The following MDN1 variants were observed in gnomAD, a reference collection of about 807,000 sequenced individuals.
MDN1 encodes the protein midasin.
Under a neutral mutation model 669.2 loss-of-function variants are expected in MDN1, and 266 were observed. The observed-to-expected ratio is 0.40, with a 90% CI of 0.36 to 0.44. The LOEUF (loss-of-function observed/expected upper bound fraction) is 0.44. Among genes scored for constraint, MDN1 ranks in the 20% least tolerant of loss-of-function variants. The pLI, the probability that MDN1 is intolerant of heterozygous loss-of-function variation, is 1.00. For missense variants in MDN1, 5,940 were observed against 6,754.0 expected, an observed-to-expected ratio of 0.88 and a Z score of 4.22; for synonymous variants, 2,385 against 2,457.1, an observed-to-expected ratio of 0.97 and a Z score of 0.87.
At chr6:89,658,079 T>C in intron 90 of MDN1, 130 bp downstream of exon 90, 2 of 1,075,400 alleles carry the variant, frequency 1.9e-6, no homozygotes, top group Non-Finnish European at 2.7e-6. Flanking sequence ...GTCTGTTAGA[T>C]GTCAACAACA....
At chr6:89,693,718 T>C (rs951195024) in intron 62 of MDN1, among the ~76,000 whole-genome samples, 10 of 152,310 alleles carry the variant, frequency 6.6e-5, no homozygotes, top group Admixed American at 4.6e-4. Context: ...AAAACACTTC[T>C]GGTCCCAGGA....
intron 37 of MDN1, among the ~76,000 whole-genome samples, chr6:89,725,968 C>CACACAT (rs1815208106): frequency 7.2e-6 from 1 of 138,482 alleles, no homozygotes; most frequent in South Asian, 2.3e-4. Context: ...CACACACACA[C>CACACAT]GTATATATAC....
intron 10 of MDN1, among the ~76,000 whole-genome samples, chr6:89,780,740 C>T (rs1818627733): frequency 6.7e-6 from 1 of 148,492 alleles, no homozygotes; most frequent in Non-Finnish European, 1.5e-5. Flanking sequence ...CACCCGGGTT[C>T]AGGCAATTCT....
At chr6:89,709,624 A>G (rs1813748333) in intron 50 of MDN1, among the ~76,000 whole-genome samples, 1 of 152,230 alleles carries the variant, frequency 6.6e-6, no homozygotes, top group Admixed American at 6.5e-5. Context: ...ATTATTTAGC[A>G]CAAAAGCATC....
At chr6:89,674,726 A>C in intron 78 of MDN1, 137 bp from the exon 79 acceptor site, 1 of 1,243,528 alleles carries the variant, frequency 8.0e-7, no homozygotes, top group Non-Finnish European at 1.1e-6. Flanking sequence ...TCCCCCAGAT[A>C]GGTAAAAAGT....
chr6:89,754,655 A>G (rs1204093332), intron 20 of MDN1, among the ~76,000 whole-genome samples: 4 of 152,238 alleles, frequency 2.6e-5, no homozygotes, highest in Non-Finnish European at 5.9e-5. Flanking sequence ...TAGTACTGAC[A>G]AAACGTTAAA....
chr6:89,788,728 T>A (rs191783544), intron 7 of MDN1, among the ~76,000 whole-genome samples: 223 of 152,240 alleles, frequency 1.5e-3, no homozygotes, highest in Non-Finnish European at 2.4e-3. Context: ...GGAGCTAGAC[T>A]AGAGGAAAAA....
At chr6:89,678,780 T>C in intron 74 of MDN1, 35 bp from the exon 75 acceptor site, 1 of 1,590,474 alleles carries the variant, frequency 6.3e-7, no homozygotes, top group Non-Finnish European at 8.6e-7. Flanking sequence ...GGGGAGACAA[T>C]AAGAAAATCC....
chr6:89,777,131 T>G (rs1463106056), intron 11 of MDN1, among the ~76,000 whole-genome samples: 1 of 152,310 alleles, frequency 6.6e-6, no homozygotes, highest in East Asian at 1.9e-4. Context: ...GTACTCAATC[T>G]TAGCAACTAC....
At chr6:89,767,979 C>T (rs375023387) in intron 15 of MDN1, among the ~76,000 whole-genome samples, 13 of 151,292 alleles carry the variant, frequency 8.6e-5, no homozygotes, top group African/African-American at 3.2e-4. Flanking sequence ...GAGGTCAAGG[C>T]TGCAATAAGC....
At position 89,677,714 on chromosome 6, in the gene MDN1, T is replaced by C. The variant is rs769024172; in HGVS notation, c.12413-18A>G. 1 of 1,613,776 alleles carries C rather than the reference T, an allele frequency of 6.2e-7. No homozygotes were observed. The highest frequency in any genetic ancestry group is 8.5e-7 in the Non-Finnish European group (1 of 1,179,816). The stretch of plus-strand genomic sequence containing the variant: ...CGACAAACCTAGGAAATAAACAGCA[T>C]TTCTTTAAGCAAAGATGCTTAGTAG... On this transcript the variant is annotated intron_variant, in intron 75 of 101. Transcript: ENST00000369393.
intron 79 of MDN1, among the ~76,000 whole-genome samples, 172 bp downstream of exon 79, chr6:89,673,932 C>T (rs1198434023): frequency 6.6e-6 from 1 of 152,022 alleles, no homozygotes; most frequent in Non-Finnish European, 1.5e-5. Flanking sequence ...CTGCAGATGA[C>T]ACCCCCTATC....
intron 33 of MDN1, among the ~76,000 whole-genome samples, chr6:89,734,215 G>A (rs1374540034): frequency 6.6e-6 from 1 of 152,064 alleles, no homozygotes; most frequent in Non-Finnish European, 1.5e-5. Flanking sequence ...GACCTGGGAG[G>A]CAGAGGTTGC....
chr6:89,680,772 T>TA (rs1364321815), intron 73 of MDN1, 21 bp from the exon 74 acceptor site: 28 of 1,608,472 alleles, frequency 1.7e-5, no homozygotes, highest in Non-Finnish European at 2.3e-5. Flanking sequence ...AAAGACAGGT[T>TA]AGCCTCACTG....
At chr6:89,698,795 T>C in intron 59 of MDN1, 70 bp downstream of exon 59, 3 of 1,499,450 alleles carry the variant, frequency 2.0e-6, no homozygotes, top group Non-Finnish European at 2.8e-6. Flanking sequence ...GAATAAATGT[T>C]TATTGATAGA....
At position 89,723,596 on chromosome 6, in the gene MDN1, T is replaced by C. The variant is rs769085989; in HGVS notation, c.5694A>G (p.Val1898=). The change falls in exon 39 of 102, where the codon GTA becomes GTG. Residue 1898 remains valine (V), a synonymous_variant. Transcript: ENST00000369393. ...TACTGGCAATGAACTCCATGTCAAT[T>C]ACTGTAAGGGGATCAACGAAGACCT... is the stretch of plus-strand genomic sequence containing the variant. ...FTQVFVDPLT[V]IDMEFIASTL... The C allele has an allele frequency of 7.5e-6, 12 of 1,591,796 alleles. No individual in the cohort carries two copies. The highest frequency in any genetic ancestry group is 1.1e-5 in the South Asian group (1 of 87,310).
Position 89,758,344 on chromosome 6 carries a change from C to A in MDN1, c.2613G>T (p.Leu871=). 14 of 1,607,122 alleles carry A rather than the reference C, an allele frequency of 8.7e-6. No homozygotes were observed. The highest frequency in any genetic ancestry group is 1.2e-5 in the Non-Finnish European group (14 of 1,176,064). The part of the protein sequence containing the change: ...VLLDRGDTEP[L]VRHPDFRLFA... ...ATAAACGGAAGTCAGGATGCCGAACCAGTGGCTCTGTTAAGAGAAAATTAC... is the reference window on the plus strand; with the variant it reads ...ATAAACGGAAGTCAGGATGCCGAACAAGTGGCTCTGTTAAGAGAAAATTAC... The change falls in exon 19 of 102, where the codon CTG becomes CTT. Residue 871 remains leucine, a synonymous_variant. Transcript: ENST00000369393.
Position 89,654,181 on chromosome 6 carries a change from C to G in MDN1, c.15644G>C (p.Gly5215Ala), listed in dbSNP as rs774769606. The G allele has an allele frequency of 4.3e-6, 7 of 1,614,052 alleles. No homozygotes were observed. In the South Asian group the frequency reaches 6.6e-5, roughly 15 times the overall value. The stretch of plus-strand genomic sequence containing the variant: ...GGACTCACCCAAGGGTGCTGTGGTG[C>G]CCGACTTGATTTCCTCTGGCTTCAG... ...EQLKPEEIKS[G>A]TTAPLGFDEM... Residue 5215 changes from glycine (G) to alanine (A), a missense_variant, in exon 93 of 102, where the codon GGC (glycine) becomes GCC (alanine). Coordinates refer to ENST00000369393, the MANE Select transcript of MDN1 (RefSeq NM_014611.3).
intron 7 of MDN1, 39 bp from the exon 8 acceptor site, chr6:89,787,996 C>T: frequency 6.7e-7 from 1 of 1,498,532 alleles, no homozygotes; most frequent in Non-Finnish European, 9.2e-7. Flanking sequence ...TAAAGTAAAG[C>T]TATTAAGACA....
Sources: allele counts gnomAD v4.1 joint callset (sites outside exome capture counted in the v4.1 genomes callset), GRCh38; gene constraint gnomAD v4.1.1; transcripts MANE v1.5; gene names NCBI Gene and HGNC (gene_info 2026-07-23, HGNC 2026-07-21).